ITGAL: variants seen among roughly 807,000 people sequenced by gnomAD.
ITGAL encodes the protein integrin subunit alpha L.
ITGAL carries 68 observed loss-of-function variants against 138.4 expected under a neutral mutation model. The ratio of observed to expected loss-of-function variants is 0.49; its 90% CI spans 0.40 to 0.60. The LOEUF (loss-of-function observed/expected upper bound fraction) is 0.60. Among genes scored for constraint, ITGAL ranks in the 20% least tolerant of loss-of-function variants. The probability of loss-of-function intolerance (pLI) is 0.00; values close to 1 mark genes in which losing one functional copy is unlikely to be tolerated. For missense variants in ITGAL, 1,256 were observed against 1,478.6 expected (o/e 0.85, Z 2.47); for synonymous variants, 561 against 584.3 (o/e 0.96, Z 0.57).
chr16:30,502,280 C>T (rs1232644467), intron 17 of ITGAL, among the ~76,000 whole-genome samples: 1 of 151,128 alleles, frequency 6.6e-6, no homozygotes, highest in East Asian at 2.0e-4. Flanking sequence ...GCCTGTAGTC[C>T]CAGCTACTTG....
rs547053307 is a variant in ITGAL, at chr16:30,494,158, G to C, written c.1214-54G>C. 1 of 1,485,834 alleles carries C rather than the reference G, an allele frequency of 6.7e-7. No homozygotes were observed. The highest frequency in any genetic ancestry group is 2.3e-5 in the East Asian group (1 of 43,286). The allele number at this position is 1,485,834 out of a possible 1,614,324, so 92.0% of individuals were successfully genotyped here. ...GGGGCCCCTGCCCCTCTCCTGCTGGGTGTTCTTCCAGCATCCTGTGTTCCT... is the reference window on the plus strand; with the variant it reads ...GGGGCCCCTGCCCCTCTCCTGCTGGCTGTTCTTCCAGCATCCTGTGTTCCT... On this transcript the variant is annotated intron_variant, in intron 11 of 30. Coordinates refer to ENST00000356798, the MANE Select transcript of ITGAL (RefSeq NM_002209.3). This position sits in a 1 kb window ranked among gnomAD's most constrained non-coding sequence, Gnocchi z 4.2.
At chr16:30,509,970 C>T in intron 21 of ITGAL, among the ~76,000 whole-genome samples, 1 of 151,624 alleles carries the variant, frequency 6.6e-6, no homozygotes. Context: ...GCCTGCGAGT[C>T]AGAGGTTGCA....
intron 20 of ITGAL, among the ~76,000 whole-genome samples, chr16:30,506,264 A>AT (rs2050993785): frequency 1.4e-5 from 2 of 143,190 alleles, no homozygotes; most frequent in East Asian, 2.1e-4. Flanking sequence ...TGTCTCAATA[A>AT]AAAAAAAAAA....
chr16:30,482,888 G>A (rs1468855452), intron 7 of ITGAL, among the ~76,000 whole-genome samples: 3 of 151,928 alleles, frequency 2.0e-5, no homozygotes, highest in Non-Finnish European at 4.4e-5. Context: ...GCGCAGTGAC[G>A]TGATCCTAGC....
At chr16:30,490,024 C>T (rs1362705738) in intron 11 of ITGAL, among the ~76,000 whole-genome samples, 5 of 151,904 alleles carry the variant, frequency 3.3e-5, no homozygotes, top group East Asian at 1.9e-4. Flanking sequence ...GTCAGGAGTT[C>T]GAGACCAGCC....
intron 19 of ITGAL, 26 bp downstream of exon 19, chr16:30,505,326 A>G (rs773298935): frequency 3.1e-6 from 5 of 1,613,218 alleles, no homozygotes; most frequent in South Asian, 2.2e-5. Context: ...GGGCAGGCAG[A>G]GAGGCCTGGG....
chr16:30,481,669 C>T, intron 7 of ITGAL, 85 bp downstream of exon 7: 1 of 1,283,668 alleles, frequency 7.8e-7, no homozygotes, highest in Non-Finnish European at 1.1e-6. Flanking sequence ...CATGGGAACT[C>T]AGTAGGTAGG....
rs35369891 is a variant in ITGAL at position 30,515,459 on chromosome 16, C to T, written c.2863-1514C>T. Among the ~76,000 whole-genome samples, 1,448 of 152,298 alleles carry T rather than the reference C, an allele frequency of 9.5e-3. 27 individuals are homozygous for T. Among genetic ancestry groups the T allele is most frequent in the African/African-American group, 0.033 (1,369 of 41,546 alleles). ...CCCTGGAGCCACTCTCTTCCTCTGCCACCTTCTGTGACTTCCCACTGCCTC... is the reference window on the plus strand; with the variant it reads ...CCCTGGAGCCACTCTCTTCCTCTGCTACCTTCTGTGACTTCCCACTGCCTC... On this transcript the variant is annotated intron_variant, in intron 25 of 30. Transcript: ENST00000356798.
At chr16:30,498,692 A>G (rs191584212) in intron 15 of ITGAL, 9 of 161,198 alleles carry the variant, frequency 5.6e-5, no homozygotes, top group Non-Finnish European at 9.5e-5. Context: ...TGAGCTCAGG[A>G]GTTCAAGACC....
intron 1 of ITGAL, among the ~76,000 whole-genome samples, chr16:30,473,169 C>T (rs1234262247): frequency 1.3e-5 from 2 of 152,114 alleles, no homozygotes; most frequent in Non-Finnish European, 1.5e-5. Context: ...CGGTGGCTCA[C>T]GCCTGTAATC....
At chr16:30,496,357 C>T in intron 14 of ITGAL, 63 bp downstream of exon 14, 2 of 1,608,500 alleles carry the variant, frequency 1.2e-6, no homozygotes, top group Middle Eastern at 1.7e-4. Context: ...CAAGCCCAGA[C>T]CCCACTCCCC....
At position 30,510,461 on chromosome 16, in the gene ITGAL, C is replaced by T; in HGVS notation, c.2609C>T (p.Ala870Val). The change falls in exon 22 of 31, where the codon GCA becomes GTA. Residue 870 changes from alanine (A) to valine (V), a missense_variant. By Grantham distance (64) the Ala-to-Val change is moderately conservative. This residue lies in a region of ITGAL where 867 missense variants were observed against 972.5 expected (regional missense o/e 0.89). Coordinates refer to ENST00000356798, the MANE Select transcript of ITGAL (RefSeq NM_002209.3). The stretch of plus-strand genomic sequence containing the variant: ...AATGTGAGCTCTCCCATCTTCAAAG[C>T]AGGCCACTCGGTGAGTGCTTCAAGT... The part of the protein sequence containing the change: ...SCNVSSPIFK[A>V]GHSVALQMMF... 6.2e-7 allele frequency: 1 copy of T among 1,600,138 alleles called. No homozygotes were observed. The highest frequency in any genetic ancestry group is 1.3e-5 in the African/African-American group (1 of 74,742).
intron 1 of ITGAL, 35 bp downstream of exon 1, chr16:30,472,933 G>T: frequency 6.3e-7 from 1 of 1,595,852 alleles, no homozygotes; most frequent in South Asian, 1.1e-5. Context: ...AGGGACATGT[G>T]TCTGTGACCA....
intron 17 of ITGAL, among the ~76,000 whole-genome samples, chr16:30,499,733 A>ATTT (rs1193634387): frequency 1.1e-3 from 99 of 88,220 alleles, no homozygotes; most frequent in South Asian, 2.9e-3. Context: ...ATATATATAT[A>ATTT]TTTTTTTTTT....
intron 15 of ITGAL, among the ~76,000 whole-genome samples, chr16:30,498,533 C>G (rs1286826704): frequency 6.6e-6 from 1 of 152,184 alleles, no homozygotes; most frequent in African/African-American, 2.4e-5. Context: ...GATTTCTCTT[C>G]CTAAGAGCTT....
chr16:30,485,593 C>T (rs1413812570), intron 9 of ITGAL, among the ~76,000 whole-genome samples: 2 of 151,920 alleles, frequency 1.3e-5, no homozygotes, highest in African/African-American at 4.8e-5. Flanking sequence ...GGCATGATCA[C>T]AGCTCACTGC....
At chr16:30,495,649 A>G (rs1003829070) in intron 13 of ITGAL, among the ~76,000 whole-genome samples, 5 of 152,058 alleles carry the variant, frequency 3.3e-5, no homozygotes, top group Admixed American at 2.0e-4. Flanking sequence ...GGGCAACATG[A>G]CAAGACCCTG....
chr16:30,479,894 C>T (rs1377063934), intron 6 of ITGAL, among the ~76,000 whole-genome samples: 2 of 151,982 alleles, frequency 1.3e-5, no homozygotes, highest in Non-Finnish European at 2.9e-5. Context: ...TGTGATCTGC[C>T]CACCTTGGCC....
intron 9 of ITGAL, chr16:30,488,775 G>T: frequency 5.1e-6 from 2 of 391,638 alleles, no homozygotes; most frequent in Non-Finnish European, 9.7e-6. Flanking sequence ...TATCCAGGAG[G>T]CTAAGCCCGG....
Sources: allele counts gnomAD v4.1 joint callset (sites outside exome capture counted in the v4.1 genomes callset), GRCh38; gene constraint gnomAD v4.1.1; regional missense constraint gnomAD v4.1.1; non-coding constraint Gnocchi (gnomAD v3.1); transcripts MANE v1.5; gene names NCBI Gene and HGNC (gene_info 2026-07-23, HGNC 2026-07-21).